ZFHX3: variants seen among roughly 807,000 people sequenced by gnomAD.
The protein encoded by ZFHX3 is zinc finger homeobox 3.
Under a neutral mutation model 279.1 loss-of-function variants are expected in ZFHX3, and 42 were observed. The ratio of observed to expected loss-of-function variants is 0.15; its 90% CI spans 0.12 to 0.19. The LOEUF (loss-of-function observed/expected upper bound fraction) is 0.19. ZFHX3 is among the 10% of genes least tolerant of loss of function. The probability of loss-of-function intolerance (pLI) is 1.00; values close to 1 mark genes in which losing one functional copy is unlikely to be tolerated. For synonymous variants in ZFHX3, 2,293 were observed against 1,957.8 expected (o/e 1.17, Z -4.52); for missense variants, 4,981 against 4,754.0 (o/e 1.05, Z -1.40).
chr16:73,169,242 G>A (rs183072777), intron 5 of ZFHX3, among the ~76,000 whole-genome samples: 120 of 152,256 alleles, frequency 7.9e-4, no homozygotes, highest in African/African-American at 2.8e-3. Flanking sequence ...CTAGGTGGTG[G>A]GGATTCAGAT....
intron 7 of ZFHX3, among the ~76,000 whole-genome samples, chr16:73,107,566 C>T (rs1966319780): frequency 6.6e-6 from 1 of 152,188 alleles, no homozygotes; most frequent in South Asian, 2.1e-4. Context: ...TTGAGAATTC[C>T]CTCCTCCACA....
At chr16:73,280,223 C>T (rs1369959181) in intron 4 of ZFHX3, among the ~76,000 whole-genome samples, 2 of 152,056 alleles carry the variant, frequency 1.3e-5, no homozygotes, top group African/African-American at 4.8e-5. Context: ...ACCAAAAATA[C>T]CGGCAACAAA....
chr16:73,253,312 C>A (rs1430901068), intron 5 of ZFHX3, among the ~76,000 whole-genome samples: 2 of 152,092 alleles, frequency 1.3e-5, no homozygotes, highest in Non-Finnish European at 2.9e-5. Context: ...GAAAGGAGAA[C>A]AGGGTTGCAA....
chr16:73,863,604 T>C (rs561288656), intron 1 of ZFHX3, among the ~76,000 whole-genome samples: 1 of 152,226 alleles, frequency 6.6e-6, no homozygotes, highest in Non-Finnish European at 1.5e-5. Context: ...GATCATCTTC[T>C]GCATTCTCAA....
chr16:72,797,536 C>G lies in ZFHX3; in HGVS notation c.5146G>C (p.Ala1716Pro). The G allele has an allele frequency of 6.2e-7, 1 of 1,614,020 alleles. No individual in the cohort carries two copies. Among genetic ancestry groups the G allele is most frequent in the African/African-American group, 1.3e-5 (1 of 75,002 alleles). Residue 1716 changes from alanine (A) to proline (P), a missense_variant, in exon 9 of 10, where the codon GCA (alanine) becomes CCA (proline). Physicochemically the swap from Ala to Pro is conservative, Grantham distance 27. Transcript: ENST00000268489. ...TGCTGCCTGGATGCAATCATATCTG[C>G]CAGTTTCTTCCGATTGGCCTCTTTG... ...EPKEANRKKL[A>P]DMIASRQQQQ... is the part of the protein sequence containing the mutation.
At chr16:73,254,963 G>A (rs538750097) in intron 5 of ZFHX3, among the ~76,000 whole-genome samples, 2 of 148,636 alleles carry the variant, frequency 1.3e-5, no homozygotes, top group South Asian at 4.2e-4. Flanking sequence ...ATCCATCCAT[G>A]TTTGCTAAGC....
chr16:73,449,638 A>G (rs546997972), intron 3 of ZFHX3, among the ~76,000 whole-genome samples: 36 of 152,242 alleles, frequency 2.4e-4, no homozygotes, highest in Non-Finnish European at 4.8e-4. Context: ...AAATATGACA[A>G]AATGAATGTG....
chr16:73,338,615 G>A (rs1372163132), intron 3 of ZFHX3, among the ~76,000 whole-genome samples: 1 of 152,012 alleles, frequency 6.6e-6, no homozygotes, highest in Non-Finnish European at 1.5e-5. Context: ...ATATATGACT[G>A]CTCTGACCTA....
At position 73,689,823 on chromosome 16, in the gene ZFHX3, T is replaced by A. The variant is rs1043134629; in HGVS notation, c.-1607-9583A>T. Among the ~76,000 whole-genome samples the A allele has an allele frequency of 1.9e-4, 29 of 150,344 alleles. 1 individual carries two copies. Among genetic ancestry groups the A allele is most frequent in the African/African-American group, 7.1e-4 (29 of 40,760 alleles). ...ATACAGTTTTTTGTTTTTTGTTTTT[T>A]TTGTTGTTGTTGTTTTTTTGAGATG... On this transcript the variant is annotated intron_variant, in intron 1 of 17. Coordinates refer to the ZFHX3 transcript ENST00000641206.
chr16:73,741,478 C>T (rs775155488), intron 1 of ZFHX3, among the ~76,000 whole-genome samples: 3 of 152,124 alleles, frequency 2.0e-5, no homozygotes, highest in Non-Finnish European at 2.9e-5. Context: ...CCATGCTGCA[C>T]GTGTGCTTAA....
intron 5 of ZFHX3, among the ~76,000 whole-genome samples, chr16:73,199,129 T>C (rs1331542625): frequency 6.6e-6 from 1 of 152,218 alleles, no homozygotes; most frequent in Non-Finnish European, 1.5e-5. Context: ...TGGAAACTGA[T>C]GTCCAGGTTC....
At chr16:73,405,881 C>T (rs970649252) in intron 3 of ZFHX3, among the ~76,000 whole-genome samples, 10 of 152,190 alleles carry the variant, frequency 6.6e-5, no homozygotes, top group East Asian at 1.9e-4. Context: ...TTGAAAGGAG[C>T]GGAAATGCCT....
intron 3 of ZFHX3, among the ~76,000 whole-genome samples, chr16:73,355,304 C>T (rs974050014): frequency 6.6e-6 from 1 of 152,150 alleles, no homozygotes; most frequent in Non-Finnish European, 1.5e-5. Context: ...CAGTGGACTC[C>T]TGACATGAAT....
At chr16:73,466,075 T>C (rs1196438808) in intron 2 of ZFHX3, among the ~76,000 whole-genome samples, 2 of 151,826 alleles carry the variant, frequency 1.3e-5, no homozygotes, top group East Asian at 3.9e-4. Context: ...AACATTGTCA[T>C]AGGAAACAAA....
intron 3 of ZFHX3, among the ~76,000 whole-genome samples, chr16:73,403,281 C>A (rs1248329988): frequency 6.6e-6 from 1 of 152,190 alleles, no homozygotes; most frequent in Non-Finnish European, 1.5e-5. Flanking sequence ...GGCTGCGATT[C>A]CCCTGCTTGA....
intron 5 of ZFHX3, among the ~76,000 whole-genome samples, chr16:73,153,639 G>A (rs992319084): frequency 1.3e-5 from 2 of 151,890 alleles, no homozygotes; most frequent in Non-Finnish European, 1.5e-5. Context: ...GAAGAAATAA[G>A]CACTCTTTTT....
In ZFHX3 at chr16:72,788,232, C is replaced by T; in HGVS notation, c.10044G>A (p.Leu3348=). ...MEGLFPYSPA[L]SQALMGLSPG... ...GGGACAGCCCCATCAGGGCCTGCGA[C>T]AGTGCAGGGCTGTAGGGGAACAGGC... Residue 3348 remains leucine, a synonymous_variant, in exon 10 of 10, where the codon CTG becomes CTA. Coordinates refer to ENST00000268489, the MANE Select transcript of ZFHX3 (RefSeq NM_006885.4). 1.2e-6 allele frequency: 2 copies of T among 1,613,868 alleles called. No homozygotes were observed. Among genetic ancestry groups the T allele is most frequent in the African/African-American group, 1.3e-5 (1 of 75,058 alleles).
chr16:73,428,724 T>C (rs1193773576), intron 3 of ZFHX3, among the ~76,000 whole-genome samples: 1 of 152,134 alleles, frequency 6.6e-6, no homozygotes, highest in African/African-American at 2.4e-5. Context: ...CAAGTCATTA[T>C]CCCTTAAACC....
At chr16:73,787,807 T>C (rs565260615) in intron 1 of ZFHX3, among the ~76,000 whole-genome samples, 1 of 147,070 alleles carries the variant, frequency 6.8e-6, no homozygotes, top group Non-Finnish European at 1.5e-5. Context: ...TGTCACTGTT[T>C]TCTTAAAGTG....
Sources: allele counts gnomAD v4.1 joint callset (sites outside exome capture counted in the v4.1 genomes callset), GRCh38; gene constraint gnomAD v4.1.1; transcripts MANE v1.5; gene names NCBI Gene and HGNC (gene_info 2026-07-23, HGNC 2026-07-21).